LRMDA: variants seen among roughly 807,000 people sequenced by gnomAD.
The protein encoded by LRMDA is leucine rich melanocyte differentiation associated.
Under a neutral mutation model 29.8 loss-of-function variants are expected in LRMDA, and 18 were observed. The ratio of observed to expected loss-of-function variants is 0.60; its 90% confidence interval spans 0.42 to 0.90. The LOEUF is 0.90. Ranked by LOEUF, LRMDA falls within the 40% of genes least tolerant of loss-of-function variation. The pLI, the probability that LRMDA is intolerant of heterozygous loss-of-function variation, is 0.00. For missense variants in LRMDA, 273 were observed against 273.9 expected, an observed-to-expected ratio of 1.00 and a Z score of 0.02; for synonymous variants, 125 against 109.4, an observed-to-expected ratio of 1.14 and a Z score of -0.89.
At chr10:75,658,519 G>A (rs557262782) in intron 2 of LRMDA, among the ~76,000 whole-genome samples, 95 of 152,092 alleles carry the variant, frequency 6.2e-4, no homozygotes, top group African/African-American at 1.7e-3. Flanking sequence ...GTTCTGGAGC[G>A]GGGTGGCTTC....
At chr10:75,679,586 A>C (rs1842000548) in intron 2 of LRMDA, among the ~76,000 whole-genome samples, 1 of 152,218 alleles carries the variant, frequency 6.6e-6, no homozygotes, top group African/African-American at 2.4e-5. Context: ...GGATTAAACA[A>C]GAGAGTGACA....
chr10:75,989,134 G>T (rs890225450), intron 2 of LRMDA, among the ~76,000 whole-genome samples: 1 of 152,180 alleles, frequency 6.6e-6, no homozygotes, highest in Non-Finnish European at 1.5e-5. Context: ...AGTCATTGGG[G>T]TATCCCTGGC....
intron 6 of LRMDA, among the ~76,000 whole-genome samples, chr10:76,523,038 A>G (rs967567834): frequency 2.6e-5 from 4 of 151,948 alleles, no homozygotes; most frequent in Non-Finnish European, 5.9e-5. Flanking sequence ...ACAGCTGCAC[A>G]CTGGCTTTCA....
intron 2 of LRMDA, among the ~76,000 whole-genome samples, chr10:75,803,385 C>T (rs1843791099): frequency 6.6e-6 from 1 of 152,188 alleles, no homozygotes; most frequent in African/African-American, 2.4e-5. Flanking sequence ...GCCTTTTATA[C>T]AGGTCCACTG....
At chr10:75,714,001 G>A (rs1842468543) in intron 2 of LRMDA, among the ~76,000 whole-genome samples, 2 of 151,986 alleles carry the variant, frequency 1.3e-5, no homozygotes, top group South Asian at 4.2e-4. Flanking sequence ...TATTTTTCTT[G>A]TGCCACTTAT....
chr10:76,250,997 A>G (rs1474539389), intron 5 of LRMDA, among the ~76,000 whole-genome samples: 1 of 152,272 alleles, frequency 6.6e-6, no homozygotes, highest in African/African-American at 2.4e-5. Context: ...TTTCTTTTCC[A>G]TCAGATGGCA....
At chr10:75,778,981 T>C (rs1843346028) in intron 2 of LRMDA, among the ~76,000 whole-genome samples, 1 of 152,230 alleles carries the variant, frequency 6.6e-6, no homozygotes, top group Non-Finnish European at 1.5e-5. Context: ...AGCACCCAGC[T>C]AGATGTATGT....
At chr10:75,544,129 ATG>A (rs1840050474) in intron 2 of LRMDA, among the ~76,000 whole-genome samples, 1 of 152,152 alleles carries the variant, frequency 6.6e-6, no homozygotes, top group South Asian at 2.1e-4. Flanking sequence ...GTTTGTGTCC[ATG>A]TGTGTGTCTT....
chr10:76,298,026 C>T (rs942563024), intron 5 of LRMDA, among the ~76,000 whole-genome samples: 6 of 152,216 alleles, frequency 3.9e-5, no homozygotes, highest in African/African-American at 9.6e-5. Flanking sequence ...GCCTGTTGTA[C>T]GTAACCTCTC....
intron 6 of LRMDA, among the ~76,000 whole-genome samples, chr10:76,472,059 A>C (rs1046253710): frequency 6.6e-6 from 1 of 151,816 alleles, no homozygotes. Flanking sequence ...CTTGGACAAC[A>C]CTATAAACCA....
chr10:75,750,553 T>G (rs1341218810), intron 2 of LRMDA, among the ~76,000 whole-genome samples: 1 of 119,642 alleles, frequency 8.4e-6, no homozygotes, highest in Non-Finnish European at 1.7e-5. Context: ...TCCCCACATC[T>G]CAGAGGACGG....
chr10:76,546,719 A>C (rs1348079645), intron 6 of LRMDA, among the ~76,000 whole-genome samples: 1 of 152,192 alleles, frequency 6.6e-6, no homozygotes, highest in Admixed American at 6.5e-5. Context: ...TTTTTATCCT[A>C]TAAAATTCTA....
At chr10:75,683,186 G>T (rs1842044485) in intron 2 of LRMDA, among the ~76,000 whole-genome samples, 1 of 152,154 alleles carries the variant, frequency 6.6e-6, no homozygotes, top group Non-Finnish European at 1.5e-5. Flanking sequence ...ATTTTACTTT[G>T]TTGTTGAGCA....
chr10:76,249,127 C>A (rs1852427283), intron 5 of LRMDA, among the ~76,000 whole-genome samples: 1 of 152,130 alleles, frequency 6.6e-6, no homozygotes, highest in South Asian at 2.1e-4. Flanking sequence ...TAGCAAGTTT[C>A]TTTTTCTTGA....
intron 5 of LRMDA, among the ~76,000 whole-genome samples, chr10:76,226,562 G>A (rs185078578): frequency 5.5e-4 from 83 of 152,196 alleles, no homozygotes; most frequent in Middle Eastern, 3.4e-3. Flanking sequence ...CAGCCTTGGC[G>A]ACAAGAGCAA....
At position 76,378,054 on chromosome 10, in the gene LRMDA, A is replaced by AT. The variant is rs1382453950; in HGVS notation, c.601+53576dup. On this transcript the variant is annotated intron_variant, in intron 6 of 6. Coordinates refer to ENST00000611255, the MANE Select transcript of LRMDA (RefSeq NM_001305581.2). ...TTTCTATTTGTTTGTGTCATCTGTG[A>AT]TTTTTTTCATCAGTGTTTTGTAGTT... Among the ~76,000 whole-genome samples, 74 of 151,186 alleles carry AT rather than the reference A, an allele frequency of 4.9e-4. 1 individual carries two copies. Among genetic ancestry groups the AT allele is most frequent in the Admixed American group, 4.9e-3 (74 of 15,200 alleles).
chr10:75,441,157 A>G (rs1045600790), intron 2 of LRMDA, among the ~76,000 whole-genome samples: 1 of 152,204 alleles, frequency 6.6e-6, no homozygotes, highest in Admixed American at 6.5e-5. Flanking sequence ...GGATGACCCA[A>G]GCTCTCTAGG....
chr10:75,888,296 C>T (rs113087036), intron 2 of LRMDA, among the ~76,000 whole-genome samples: 12 of 152,144 alleles, frequency 7.9e-5, no homozygotes, highest in East Asian at 5.8e-4. Context: ...ATGATGAGTT[C>T]GTGATCCACA....
At chr10:75,810,747 T>C (rs1305428029) in intron 2 of LRMDA, among the ~76,000 whole-genome samples, 1 of 152,136 alleles carries the variant, frequency 6.6e-6, no homozygotes, top group African/African-American at 2.4e-5. Context: ...TGAGGTGCCT[T>C]TGCAACCTCT....
Sources: allele counts gnomAD v4.1 joint callset (sites outside exome capture counted in the v4.1 genomes callset), GRCh38; gene constraint gnomAD v4.1.1; transcripts MANE v1.5; gene names NCBI Gene and HGNC (gene_info 2026-07-23, HGNC 2026-07-21).